SIAH1: variants seen among roughly 807,000 people sequenced by gnomAD.
The protein encoded by SIAH1 is E3 ubiquitin-protein ligase SIAH1.
Under a neutral mutation model 20.0 loss-of-function variants are expected in SIAH1, and 2 were observed. The observed-to-expected ratio is 0.10, with a 90% CI of 0.04 to 0.31. The LOEUF (loss-of-function observed/expected upper bound fraction) is 0.31. SIAH1 is among the 10% of genes least tolerant of loss of function. SIAH1 has a pLI of 1.00. For synonymous variants in SIAH1, 118 were observed against 125.3 expected, an observed-to-expected ratio of 0.94 and a Z score of 0.39; for missense variants, 119 against 355.3, an observed-to-expected ratio of 0.33 and a Z score of 5.35.
intron 1 of SIAH1, among the ~76,000 whole-genome samples, chr16:48,364,313 A>T (rs1003818036): frequency 1.3e-5 from 2 of 152,204 alleles, no homozygotes; most frequent in Admixed American, 1.3e-4. Context: ...GTTGCAAGGA[A>T]CTTTTAAGAA....
At chr16:48,363,467 G>C (rs990711442) in intron 1 of SIAH1, 7 of 167,078 alleles carry the variant, frequency 4.2e-5, no homozygotes, top group African/African-American at 1.4e-4. Context: ...GTGAAGTGAG[G>C]CATGGGAGAA....
chr16:48,385,069 G>A (rs1306621099), intron 1 of SIAH1, 135 bp downstream of exon 1: 1 of 152,476 alleles, frequency 6.6e-6, no homozygotes, highest in Non-Finnish European at 1.5e-5. Context: ...CCGAGACAAA[G>A]GCGCCGCCGC....
chr16:48,379,810 A>G (rs1471913449), intron 1 of SIAH1, among the ~76,000 whole-genome samples: 3 of 152,232 alleles, frequency 2.0e-5, no homozygotes, highest in South Asian at 2.1e-4. Context: ...CCAGGCTGAG[A>G]TAAGAGAGCT....
At chr16:48,375,561 G>A (rs1297107425) in intron 1 of SIAH1, among the ~76,000 whole-genome samples, 1 of 151,950 alleles carries the variant, frequency 6.6e-6, no homozygotes, top group Non-Finnish European at 1.5e-5. Context: ...TTGCTTGAAC[G>A]CAGGAGTTAG....
intron 1 of SIAH1, among the ~76,000 whole-genome samples, chr16:48,366,176 C>A (rs1960834399): frequency 6.6e-6 from 1 of 152,156 alleles, no homozygotes. Flanking sequence ...TGGAACCACG[C>A]TATTTTCGGT....
At chr16:48,367,734 TTTAA>T (rs1960878981) in intron 1 of SIAH1, among the ~76,000 whole-genome samples, 1 of 152,206 alleles carries the variant, frequency 6.6e-6, no homozygotes, top group Non-Finnish European at 1.5e-5. Flanking sequence ...TCAACCACCA[TTTAA>T]TTTTTAGCAC....
intron 1 of SIAH1, among the ~76,000 whole-genome samples, chr16:48,383,591 A>G (rs1327193149): frequency 6.6e-6 from 1 of 152,234 alleles, no homozygotes; most frequent in African/African-American, 2.4e-5. Context: ...AAGTCCTTGA[A>G]AGTGAACTGA....
At chr16:48,372,223 G>T (rs546236990) in intron 1 of SIAH1, among the ~76,000 whole-genome samples, 2 of 152,236 alleles carry the variant, frequency 1.3e-5, no homozygotes, top group African/African-American at 4.8e-5. Flanking sequence ...TTATAGGAAA[G>T]AAATGCCATC....
chr16:48,377,483 C>A (rs559402732), intron 1 of SIAH1, among the ~76,000 whole-genome samples: 1 of 151,736 alleles, frequency 6.6e-6, no homozygotes, highest in Non-Finnish European at 1.5e-5. Context: ...CTACACCTCC[C>A]GGGTTAAGTG....
intron 1 of SIAH1, chr16:48,365,528 C>T (rs1960801888): frequency 6.3e-7 from 1 of 1,586,954 alleles, no homozygotes; most frequent in Non-Finnish European, 8.5e-7. Context: ...AGGAACAGGC[C>T]CCTCCTGGGC....
In SIAH1 at chr16:48,361,210, C is replaced by G; in HGVS notation, c.*370G>C. ...TGGCTTGTCAGTTAAAGGAAAAAAACCCAAACACGCACACACCCACGCAGG... is the reference window on the plus strand; with the variant it reads ...TGGCTTGTCAGTTAAAGGAAAAAAAGCCAAACACGCACACACCCACGCAGG... On this transcript the variant is annotated 3_prime_UTR_variant, in exon 2 of 2. Coordinates refer to ENST00000394725, the MANE Select transcript of SIAH1 (RefSeq NM_003031.4). 1 of 205,530 alleles carries G rather than the reference C, an allele frequency of 4.9e-6. No homozygotes were observed. The highest frequency in any genetic ancestry group is 1.0e-5 in the Non-Finnish European group (1 of 99,150). 12.7% of individuals were successfully genotyped at this position (205,530 alleles called of 1,614,324 possible). A position where few individuals can be genotyped will look rare whatever the true frequency, so the allele number is the denominator to read the frequency against.
At chr16:48,385,021 G>A (rs918374266) in intron 1 of SIAH1, among the ~76,000 whole-genome samples, 183 bp downstream of exon 1, 10 of 147,944 alleles carry the variant, frequency 6.8e-5, no homozygotes, top group African/African-American at 2.4e-4. Flanking sequence ...GCAGGGGAGG[G>A]GCGGGGGGCG....
intron 1 of SIAH1, among the ~76,000 whole-genome samples, chr16:48,368,170 G>T (rs1320005373): frequency 6.6e-6 from 1 of 152,186 alleles, no homozygotes; most frequent in Non-Finnish European, 1.5e-5. Flanking sequence ...TATTGTAAAT[G>T]AAGTTACAAA....
intron 1 of SIAH1, among the ~76,000 whole-genome samples, chr16:48,384,531 C>T (rs1294604863): frequency 2.0e-5 from 3 of 152,192 alleles, no homozygotes; most frequent in Non-Finnish European, 4.4e-5. Flanking sequence ...ACGCCGTTCA[C>T]GCGCTCTCCT....
At chr16:48,377,496 T>C (rs1961140418) in intron 1 of SIAH1, among the ~76,000 whole-genome samples, 1 of 151,798 alleles carries the variant, frequency 6.6e-6, no homozygotes, top group African/African-American at 2.4e-5. Context: ...GTTAAGTGAT[T>C]CTCCTGCCTC....
Position 48,362,086 on chromosome 16 carries a change from C to CT in SIAH1, c.342dup (p.Ala115SerfsTer4), listed in dbSNP as rs1394687373. The CT allele has an allele frequency of 6.2e-7, 1 of 1,614,180 alleles. No homozygotes were observed. Among genetic ancestry groups the CT allele is most frequent in the Non-Finnish European group, 8.5e-7 (1 of 1,180,032 alleles). On this transcript the variant is annotated frameshift_variant, in exon 2 of 2. Transcript: ENST00000394725. LOFTEE classifies it high-confidence loss of function. This position sits in a 1 kb window ranked among gnomAD's most constrained non-coding sequence, Gnocchi z 4.2. ...AACTCACAGAGCTCTTCATGGTCTG[C>CT]TTTTTCTGTGTGTGGCAGAGTTATT...
intron 1 of SIAH1, among the ~76,000 whole-genome samples, chr16:48,372,587 G>A (rs771264154): frequency 1.3e-5 from 2 of 152,048 alleles, no homozygotes; most frequent in Non-Finnish European, 2.9e-5. Context: ...TTTTCTCTAC[G>A]CAAGCTAGAG....
intron 1 of SIAH1, among the ~76,000 whole-genome samples, chr16:48,378,216 G>T (rs1293749187): frequency 6.6e-6 from 1 of 152,178 alleles, no homozygotes; most frequent in African/African-American, 2.4e-5. Context: ...AGCCAAGTGT[G>T]GTGGTGCATG....
chr16:48,377,925 AATT>A (rs1961156546), intron 1 of SIAH1, among the ~76,000 whole-genome samples: 1 of 152,006 alleles, frequency 6.6e-6, no homozygotes, highest in African/African-American at 2.4e-5. Flanking sequence ...TAAAAATAAA[AATT>A]ATAATAAAAT....
Sources: allele counts gnomAD v4.1 joint callset (sites outside exome capture counted in the v4.1 genomes callset), GRCh38; gene constraint gnomAD v4.1.1; non-coding constraint Gnocchi (gnomAD v3.1); transcripts MANE v1.5; gene names NCBI Gene and HGNC (gene_info 2026-07-23, HGNC 2026-07-21).